The following ARMC1 variants were observed in gnomAD, a reference collection of about 807,000 sequenced individuals.
The protein encoded by ARMC1 is armadillo repeat containing 1, also known as armadillo repeat-containing protein 1.
A neutral mutation model predicts 31.4 loss-of-function variants in ARMC1; 16 were observed. The ratio of observed to expected loss-of-function variants is 0.51; its 90% confidence interval spans 0.34 to 0.77. The LOEUF is 0.77. Ranked by LOEUF, ARMC1 falls within the 30% of genes least tolerant of loss-of-function variation. The probability of loss-of-function intolerance (pLI) is 0.01; values close to 1 mark genes in which losing one functional copy is unlikely to be tolerated. For synonymous variants in ARMC1, 114 were observed against 118.9 expected (o/e 0.96, Z 0.27); for missense variants, 259 against 347.5 (o/e 0.75, Z 2.02).
chr8:65,625,230 A>G (rs1338121012), intron 2 of ARMC1, among the ~76,000 whole-genome samples: 1 of 152,108 alleles, frequency 6.6e-6, no homozygotes, highest in Non-Finnish European at 1.5e-5. Flanking sequence ...CTTCCTATTC[A>G]GCCTAGTATC....
chr8:65,611,010 T>C (rs1343715105), intron 4 of ARMC1, among the ~76,000 whole-genome samples: 5 of 152,056 alleles, frequency 3.3e-5, no homozygotes, highest in African/African-American at 1.2e-4. Flanking sequence ...TTCCACTCAC[T>C]GCAACCTCTG....
At chr8:65,616,423 G>C (rs1194045541) in intron 3 of ARMC1, among the ~76,000 whole-genome samples, 1 of 152,216 alleles carries the variant, frequency 6.6e-6, no homozygotes, top group Non-Finnish European at 1.5e-5. Flanking sequence ...ACGGAGTCTG[G>C]TTCACTCAGT....
chr8:65,616,200 C>T (rs1808251860), intron 3 of ARMC1, among the ~76,000 whole-genome samples: 1 of 152,374 alleles, frequency 6.6e-6, no homozygotes, highest in Non-Finnish European at 1.5e-5. Context: ...CTGGACTGTA[C>T]TGCTGCCATC....
chr8:65,604,196 A>T lies in ARMC1; in HGVS notation c.*198T>A, dbSNP rs945807857. On this transcript the variant is annotated 3_prime_UTR_variant, in exon 7 of 7. Coordinates refer to ENST00000276569, the MANE Select transcript of ARMC1 (RefSeq NM_018120.6). The stretch of plus-strand genomic sequence containing the variant: ...ACCAAAATACTTTCATAAACAAAGC[A>T]ACTCCATCTGTAGCCTCTGTCCTTT... 1 of 493,006 alleles carries T rather than the reference A, an allele frequency of 2.0e-6. No individual in the cohort carries two copies. The allele number at this position is 493,006 out of a possible 1,614,324, so 30.5% of individuals were successfully genotyped here.
At position 65,604,500 on chromosome 8, in the gene ARMC1, G is replaced by A. The variant is rs1373287726; in HGVS notation, c.743C>T (p.Thr248Ile). 6.2e-7 allele frequency: 1 copy of A among 1,614,114 alleles called. No homozygotes were observed. Among genetic ancestry groups the A allele is most frequent in the South Asian group, 1.1e-5 (1 of 91,084 alleles). Residue 248 changes from threonine to isoleucine, a missense_variant, in exon 7 of 7, where the codon ACA becomes ATA. By Grantham distance (89) the Thr-to-Ile change is moderately conservative. Coordinates refer to ENST00000276569, the MANE Select transcript of ARMC1 (RefSeq NM_018120.6). ...GGACACCGCTTTGTCCTGTTCCTTT[G>A]TGGGACTCTCATCCTCAGGCAGGTA... ...PDYLPEDESPTKEQDKAVSRV... is the reference protein window; with the variant it reads ...PDYLPEDESPIKEQDKAVSRV...
intron 4 of ARMC1, among the ~76,000 whole-genome samples, chr8:65,610,391 C>A (rs1808108844): frequency 6.6e-6 from 1 of 152,040 alleles, no homozygotes; most frequent in Admixed American, 6.6e-5. Flanking sequence ...CCCACTGTGC[C>A]CAGCTGACAA....
At chr8:65,611,191 C>A (rs1808131980) in intron 4 of ARMC1, among the ~76,000 whole-genome samples, 1 of 152,220 alleles carries the variant, frequency 6.6e-6, no homozygotes, top group Non-Finnish European at 1.5e-5. Context: ...GCCTCAGCCT[C>A]CCAAAGTGCT....
intron 3 of ARMC1, among the ~76,000 whole-genome samples, chr8:65,619,481 T>A (rs1217749471): frequency 6.6e-6 from 1 of 151,926 alleles, no homozygotes; most frequent in Admixed American, 6.6e-5. Flanking sequence ...GAGATTGCAG[T>A]GAGCTGAGAT....
intron 1 of ARMC1, among the ~76,000 whole-genome samples, chr8:65,627,850 T>C (rs1384245705): frequency 1.3e-5 from 2 of 152,222 alleles, no homozygotes; most frequent in Admixed American, 6.5e-5. Context: ...AGCTTTCTTA[T>C]TCATCAGTGA....
rs531750948 is a variant in ARMC1, at chr8:65,615,525, C to T, written c.276-2092G>A. 1.0e-3 allele frequency among the ~76,000 whole-genome samples: 152 copies of T among 151,516 alleles called. 1 individual carries two copies. Among genetic ancestry groups the T allele is most frequent in the Middle Eastern group, 3.4e-3 (1 of 290 alleles). On this transcript the variant is annotated intron_variant, in intron 3 of 6. Transcript: ENST00000276569. ...TTCGAGCCCAGCCTGGCCAACATGG[C>T]GAAACCCCGTCTCTACTAAAAAAGC...
chr8:65,623,786 CTTTTTTTT>C (rs201008780), intron 2 of ARMC1, among the ~76,000 whole-genome samples: 2 of 26,088 alleles, frequency 7.7e-5, no homozygotes, highest in Non-Finnish European at 6.5e-5. Context: ...AAAGTAAAAT[CTTTTTTTT>C]TTTTTTTTTT....
At chr8:65,622,438 A>G in intron 2 of ARMC1, 84 bp from the exon 3 acceptor site, 1 of 1,037,864 alleles carries the variant, frequency 9.6e-7, no homozygotes, top group Non-Finnish European at 1.4e-6. Flanking sequence ...CAAGAAAACA[A>G]AAAAGGAGAA....
At chr8:65,627,776 T>G (rs1193260144) in intron 1 of ARMC1, among the ~76,000 whole-genome samples, 1 of 152,254 alleles carries the variant, frequency 6.6e-6, no homozygotes, top group African/African-American at 2.4e-5. Context: ...TTGCCAGTGC[T>G]TTTTATCCTC....
intron 4 of ARMC1, among the ~76,000 whole-genome samples, chr8:65,606,857 T>C (rs886669900): frequency 2.0e-5 from 3 of 152,212 alleles, no homozygotes; most frequent in Non-Finnish European, 4.4e-5. Flanking sequence ...GACCATCAAG[T>C]GGTCATCTCA....
chr8:65,621,268 G>A (rs1034614929), intron 3 of ARMC1, among the ~76,000 whole-genome samples: 2 of 152,066 alleles, frequency 1.3e-5, no homozygotes, highest in Non-Finnish European at 2.9e-5. Context: ...CAGTTCTAGT[G>A]GCTTCCACAT....
Position 65,603,836 on chromosome 8 carries a change from C to A in ARMC1, c.*558G>T, listed in dbSNP as rs1338137957. ...CTGTGTTCAAATGAATGTTTTTAAT[C>A]TGCAAAATGTCATTAGTAATGTCCT... On this transcript the variant is annotated 3_prime_UTR_variant, in exon 7 of 7. Transcript: ENST00000276569. 6.6e-6 allele frequency: 1 copy of A among 152,564 alleles called. No individual in the cohort carries two copies. Among genetic ancestry groups the A allele is most frequent in the African/African-American group, 2.4e-5 (1 of 41,452 alleles). The allele number at this position is 152,564 out of a possible 1,614,324, so 9.5% of individuals were successfully genotyped here.
intron 6 of ARMC1, 97 bp from the exon 7 acceptor site, chr8:65,604,682 C>T (rs529335872): frequency 3.0e-6 from 3 of 1,000,002 alleles, no homozygotes; most frequent in South Asian, 3.1e-5. Context: ...TCTTACATGA[C>T]AGTAGGCCCA....
chr8:65,607,011 G>A (rs1231246891), intron 4 of ARMC1, among the ~76,000 whole-genome samples: 1 of 152,126 alleles, frequency 6.6e-6, no homozygotes, highest in Non-Finnish European at 1.5e-5. Flanking sequence ...ATTTCTGAGG[G>A]GTCAATCTGC....
At chr8:65,607,851 TAA>T (rs1178722157) in intron 4 of ARMC1, among the ~76,000 whole-genome samples, 5 of 152,272 alleles carry the variant, frequency 3.3e-5, no homozygotes, top group African/African-American at 1.2e-4. Flanking sequence ...TTTTTTTTAT[TAA>T]GTCTTGTATT....
Sources: allele counts gnomAD v4.1 joint callset (sites outside exome capture counted in the v4.1 genomes callset), GRCh38; gene constraint gnomAD v4.1.1; transcripts MANE v1.5; gene names NCBI Gene and HGNC (gene_info 2026-07-23, HGNC 2026-07-21).